Variants in TNNT3 observed in about 807,000 individuals in gnomAD.
TNNT3 encodes troponin T3, fast skeletal type.
A neutral mutation model predicts 54.2 loss-of-function variants in TNNT3; 36 were observed. The ratio of observed to expected loss-of-function variants is 0.66; its 90% CI spans 0.51 to 0.88. The LOEUF is 0.88. TNNT3 is among the 40% of genes least tolerant of loss of function. TNNT3 has a pLI of 0.00. For synonymous variants in TNNT3, 120 were observed against 109.7 expected, an observed-to-expected ratio of 1.09 and a Z score of -0.59; for missense variants, 291 against 331.6, an observed-to-expected ratio of 0.88 and a Z score of 0.95.
intron 1 of TNNT3, among the ~76,000 whole-genome samples, chr11:1,921,139 C>G (rs1200266902): frequency 6.6e-6 from 1 of 152,166 alleles, no homozygotes; most frequent in Non-Finnish European, 1.5e-5. Flanking sequence ...GCTGTCACAC[C>G]CGCCTCACCC....
intron 5 of TNNT3, among the ~76,000 whole-genome samples, chr11:1,926,131 G>A (rs530373087): frequency 5.9e-5 from 9 of 152,258 alleles, no homozygotes; most frequent in South Asian, 4.1e-4. Flanking sequence ...TTCTGGGGGC[G>A]CCCCAGGACA....
intron 14 of TNNT3, chr11:1,936,181 C>T (rs1250127493): frequency 1.2e-6 from 2 of 1,613,624 alleles, no homozygotes; most frequent in Non-Finnish European, 8.5e-7. Context: ...CCCAGCCGCC[C>T]ATCCAGCCTT....
intron 4 of TNNT3, 149 bp from the exon 5 acceptor site, chr11:1,924,950 C>A: frequency 1.2e-6 from 1 of 829,506 alleles, no homozygotes; most frequent in Non-Finnish European, 2.0e-6. Flanking sequence ...TGAGCCCCAT[C>A]TTTCACCCCT....
At chr11:1,927,309 G>A (rs552631091) in intron 6 of TNNT3, among the ~76,000 whole-genome samples, 7 of 152,186 alleles carry the variant, frequency 4.6e-5, no homozygotes, top group Non-Finnish European at 8.8e-5. Context: ...AGACACACCC[G>A]GAGTGAGGAG....
intron 6 of TNNT3, among the ~76,000 whole-genome samples, chr11:1,928,742 C>G (rs1852346743): frequency 6.6e-6 from 1 of 152,200 alleles, no homozygotes; most frequent in Non-Finnish European, 1.5e-5. Context: ...CTGCAACGCC[C>G]TCTTGGTGGA....
chr11:1,937,851 G>A (rs529328715), intron 15 of TNNT3, among the ~76,000 whole-genome samples: 3 of 152,330 alleles, frequency 2.0e-5, no homozygotes, highest in Non-Finnish European at 4.4e-5. Flanking sequence ...GTGTGTGCAT[G>A]TGTGCATGTG....
At chr11:1,925,308 T>C in intron 5 of TNNT3, 192 bp downstream of exon 5, 1 of 1,576,256 alleles carries the variant, frequency 6.3e-7, no homozygotes, top group Non-Finnish European at 8.6e-7. Flanking sequence ...TGTCCCCATG[T>C]GGGGCCCGGG....
intron 3 of TNNT3, 146 bp from the exon 4 acceptor site, chr11:1,923,409 G>T: frequency 1.1e-6 from 1 of 908,410 alleles, no homozygotes; most frequent in African/African-American, 1.6e-5. Flanking sequence ...CCTCCTCAGG[G>T]CCCGAGGACC....
intron 8 of TNNT3, among the ~76,000 whole-genome samples, chr11:1,931,081 T>A (rs1038949214): frequency 2.2e-4 from 33 of 152,250 alleles, no homozygotes; most frequent in African/African-American, 6.5e-4. Flanking sequence ...CTGCTTTTTT[T>A]AAAATTTAGC....
rs771397231 is a variant in TNNT3 at position 1,929,097 on chromosome 11, T to C, written c.83-23T>C. The C allele has an allele frequency of 5.6e-6, 9 of 1,613,200 alleles. No homozygotes were observed. In the East Asian group the frequency reaches 1.6e-4, roughly 28 times the overall value. On this transcript the variant is annotated intron_variant, in intron 6 of 15. Coordinates refer to ENST00000278317, the MANE Select transcript of TNNT3 (RefSeq NM_006757.4). ...ACTGGCTTTTCTCTTGCATGTGTGCTTGTGCCTTTTGCCACCTGGAAGACA... is the reference window on the plus strand; with the variant it reads ...ACTGGCTTTTCTCTTGCATGTGTGCCTGTGCCTTTTGCCACCTGGAAGACA...
rs371612957 is a variant in TNNT3 at position 1,932,548 on chromosome 11, G to T, written c.171+34G>T. On this transcript the variant is annotated intron_variant, in intron 9 of 15. Coordinates refer to ENST00000278317, the MANE Select transcript of TNNT3 (RefSeq NM_006757.4). ...ACAGGACTCTGGTTAACATGTCCACGGTTTCCCCACACCCCAGCTTTTGGG... is the reference window on the plus strand; with the variant it reads ...ACAGGACTCTGGTTAACATGTCCACTGTTTCCCCACACCCCAGCTTTTGGG... 3 of 1,610,016 alleles carry T rather than the reference G, an allele frequency of 1.9e-6. No individual in the cohort carries two copies. In the Admixed American group the frequency reaches 5.0e-5, roughly 27 times the overall value.
chr11:1,938,327 G>C (rs932096952), intron 15 of TNNT3, 111 bp from the exon 16 acceptor site: 2 of 1,220,800 alleles, frequency 1.6e-6, no homozygotes, highest in Admixed American at 3.4e-5. Context: ...GGCCGGGCCT[G>C]TGCCCTGAGA....
In TNNT3 at chr11:1,920,922, G is replaced by A. The variant is rs192169468; in HGVS notation, c.-19+1160G>A. ...GAACAGCCTTGTGTTGCTTCCAGGC[G>A]CTCAGCAGAAAACCAGGTGCCTCAG... On this transcript the variant is annotated intron_variant, in intron 1 of 15. Transcript: ENST00000278317. Among the ~76,000 whole-genome samples, 599 of 152,258 alleles carry A rather than the reference G, an allele frequency of 3.9e-3. 1 individual carries two copies. The highest frequency in any genetic ancestry group is 6.8e-3 in the Middle Eastern group (2 of 294).
At chr11:1,936,930 G>T in intron 14 of TNNT3, 33 bp from the exon 15 acceptor site, 1 of 1,591,506 alleles carries the variant, frequency 6.3e-7, no homozygotes. Flanking sequence ...TGGCCCTCGG[G>T]TCGTCGCAGT....
chr11:1,930,508 G>C (rs1222448069), intron 8 of TNNT3, among the ~76,000 whole-genome samples: 1 of 152,196 alleles, frequency 6.6e-6, no homozygotes, highest in Non-Finnish European at 1.5e-5. Flanking sequence ...TGAGCACTTC[G>C]TGGGTTGGTT....
chr11:1,930,655 A>T lies in TNNT3; in HGVS notation c.125+827A>T, dbSNP rs192014143. Among the ~76,000 whole-genome samples the T allele has an allele frequency of 1.4e-3, 212 of 152,316 alleles. 2 individuals carry two copies. The highest frequency in any genetic ancestry group is 5.0e-3 in the African/African-American group (207 of 41,568). On this transcript the variant is annotated intron_variant, in intron 8 of 15. Transcript: ENST00000278317. ...TCTGTGCGAAGTGGAATCTTAGAGC[A>T]TCTTGACACACACTCACTGTTGGCT...
chr11:1,920,721 G>A (rs759673743), intron 1 of TNNT3, among the ~76,000 whole-genome samples: 18 of 152,140 alleles, frequency 1.2e-4, no homozygotes, highest in Admixed American at 2.6e-4. Context: ...GAAACTGACC[G>A]CATAGGTTAT....
chr11:1,926,548 G>C, intron 5 of TNNT3, 147 bp from the exon 6 acceptor site: 1 of 1,611,638 alleles, frequency 6.2e-7, no homozygotes, highest in Non-Finnish European at 8.5e-7. Flanking sequence ...ACCCAAGAAG[G>C]AACAAGAGGG....
intron 14 of TNNT3, chr11:1,935,674 C>A: frequency 5.6e-6 from 1 of 178,622 alleles, no homozygotes; most frequent in Non-Finnish European, 1.2e-5. Flanking sequence ...GTGCTCGGGG[C>A]AAATGCAGAC....
Sources: gnomAD v4.1 joint callset for allele counts (sites outside exome capture counted in the v4.1 genomes callset) on GRCh38, gnomAD v4.1.1 for gene constraint, MANE v1.5 for transcripts, NCBI Gene and HGNC (gene_info 2026-07-23, HGNC 2026-07-21) for gene names.